The following HERC2 variants were observed in gnomAD, a reference collection of about 807,000 sequenced individuals.
The protein encoded by HERC2 is E3 ubiquitin-protein ligase HERC2.
HERC2 carries 102 observed loss-of-function variants against 537.7 expected under a neutral mutation model. That is an observed-to-expected ratio of 0.19 (90% confidence interval 0.16 to 0.22). The LOEUF (loss-of-function observed/expected upper bound fraction) is 0.22. Among genes scored for constraint, HERC2 ranks in the 10% least tolerant of loss-of-function variants. The probability of loss-of-function intolerance (pLI) is 1.00; values close to 1 mark genes in which losing one functional copy is unlikely to be tolerated. For missense variants in HERC2, 4,236 were observed against 6,198.2 expected (o/e 0.68, Z 10.63); for synonymous variants, 2,224 against 2,466.2 (o/e 0.90, Z 2.91).
At chr15:28,121,692 C>T (rs1004911226) in intron 85 of HERC2, among the ~76,000 whole-genome samples, 6 of 152,168 alleles carry the variant, frequency 3.9e-5, no homozygotes, top group Non-Finnish European at 8.8e-5. Flanking sequence ...AGCAGCGTTC[C>T]GGAGGCTGGA....
At chr15:28,169,123 C>A (rs1469612661) in intron 66 of HERC2, among the ~76,000 whole-genome samples, 1 of 152,254 alleles carries the variant, frequency 6.6e-6, no homozygotes, top group Non-Finnish European at 1.5e-5. Context: ...AAATGCCGCA[C>A]TGGCAAAACT....
chr15:28,214,528 C>A, intron 40 of HERC2, 127 bp downstream of exon 40: 1 of 1,279,362 alleles, frequency 7.8e-7, no homozygotes, highest in South Asian at 1.2e-5. Context: ...GAGACGGCCA[C>A]CCACCTCTGA....
intron 83 of HERC2, among the ~76,000 whole-genome samples, chr15:28,129,738 A>T (rs1375379627): frequency 6.6e-6 from 1 of 151,206 alleles, no homozygotes; most frequent in East Asian, 1.9e-4. Context: ...AGCCCTGCTG[A>T]CTGCAGATAG....
At chr15:28,226,664 G>A (rs1375839871) in intron 35 of HERC2, among the ~76,000 whole-genome samples, 3 of 152,048 alleles carry the variant, frequency 2.0e-5, no homozygotes, top group African/African-American at 7.2e-5. Flanking sequence ...GAAAACATGA[G>A]GATAATCTTC....
intron 24 of HERC2, 63 bp downstream of exon 24, chr15:28,238,539 A>C: frequency 1.3e-5 from 18 of 1,366,246 alleles, no homozygotes; most frequent in Non-Finnish European, 1.7e-5. Flanking sequence ...TATAAGCCAA[A>C]TACTCTGCTT....
chr15:28,170,704 C>T (rs7180935), intron 65 of HERC2, among the ~76,000 whole-genome samples: 20,060 of 151,538 alleles, frequency 0.13, 4,447 homozygotes, highest in African/African-American at 0.46. Flanking sequence ...TGAAAGGAAA[C>T]GAAAAGACAA....
rs975205374 is a variant in HERC2, at chr15:28,276,058, G to A, written c.543-1053C>T. Among the ~76,000 whole-genome samples the A allele has an allele frequency of 2.9e-4, 43 of 150,810 alleles. 1 individual carries two copies. The highest frequency in any genetic ancestry group is 8.3e-4 in the African/African-American group (34 of 41,030). On this transcript the variant is annotated intron_variant, in intron 5 of 92. Transcript: ENST00000261609. ...AAAAATTAGCCAGGTGTGGTGACGG[G>A]TGCCTGTAGTCCCAGCTACTCGGAG...
In HERC2 at chr15:28,179,172, C is replaced by A; in HGVS notation, c.8989G>T (p.Val2997Leu). 6.2e-7 allele frequency: 1 copy of A among 1,613,162 alleles called. No individual in the cohort carries two copies. The highest frequency in any genetic ancestry group is 8.5e-7 in the Non-Finnish European group (1 of 1,179,642). The change falls in exon 58 of 93, where the codon GTG (valine) becomes TTG (leucine). Residue 2997 changes from valine to leucine, a missense_variant. By Grantham distance (32) the Val-to-Leu change is conservative. Coordinates refer to ENST00000261609, the MANE Select transcript of HERC2 (RefSeq NM_004667.6). ...ETLSALNVVQ[V>L]AGGSKSLFAV... ...AACAAACTTTTAGATCCACCAGCCA[C>A]CTGTACCACATTCAAAGCTGACAGT...
intron 50 of HERC2, 96 bp downstream of exon 50, chr15:28,198,282 T>C: frequency 7.2e-7 from 1 of 1,382,904 alleles, no homozygotes; most frequent in Admixed American, 2.0e-5. Context: ...TCAACACTTG[T>C]TTTCTGTTTT....
intron 4 of HERC2, among the ~76,000 whole-genome samples, chr15:28,283,320 C>CAG (rs1346859202): frequency 6.6e-6 from 1 of 152,194 alleles, no homozygotes; most frequent in East Asian, 1.9e-4. Flanking sequence ...TAAACAAAAA[C>CAG]TGCCTTAACT....
rs2075627123 is a variant in HERC2, at chr15:28,268,364, G to A, written c.1598+101C>T. 3.6e-6 allele frequency: 4 copies of A among 1,102,764 alleles called. No homozygotes were observed. The highest frequency in any genetic ancestry group is 5.3e-6 in the Non-Finnish European group (4 of 754,232). The allele number at this position is 1,102,764 out of a possible 1,614,324, so 68.3% of individuals were successfully genotyped here. ...CTCCATCCCAGCGCTACATGTCAGG[G>A]CAATTGGAAAACACCTGGACACACT... is the stretch of plus-strand genomic sequence containing the variant. On this transcript the variant is annotated intron_variant, in intron 12 of 92. Coordinates refer to ENST00000261609, the MANE Select transcript of HERC2 (RefSeq NM_004667.6). The surrounding 1 kb of genome is among the most constrained non-coding windows in gnomAD (Gnocchi z 4.7).
chr15:28,160,574 C>G (rs143873550), intron 69 of HERC2, among the ~76,000 whole-genome samples: 5 of 152,226 alleles, frequency 3.3e-5, no homozygotes, highest in African/African-American at 1.2e-4. Flanking sequence ...TTGCTAAGAC[C>G]GTTGGAAAAG....
Position 28,111,691 on chromosome 15 carries a change from C to T in HERC2, c.*72G>A. The T allele has an allele frequency of 6.6e-7, 1 of 1,521,262 alleles. No homozygotes were observed. Among genetic ancestry groups the T allele is most frequent in the East Asian group, 2.3e-5 (1 of 44,122 alleles). 94.2% of individuals were successfully genotyped at this position (1,521,262 alleles called of 1,614,324 possible). A position where few individuals can be genotyped will look rare whatever the true frequency, so the allele number is the denominator to read the frequency against. ...CTTCTCATCAGACACACCAGGCAGC[C>T]TACAGTCTACACAGCAGCGAGCGCT... is the stretch of plus-strand genomic sequence containing the variant. On this transcript the variant is annotated 3_prime_UTR_variant, in exon 93 of 93. Transcript: ENST00000261609.
intron 23 of HERC2, among the ~76,000 whole-genome samples, chr15:28,240,255 A>G (rs1292324780): frequency 6.6e-6 from 1 of 152,092 alleles, no homozygotes. Context: ...CATCTCTACT[A>G]AAAATACAAA....
At chr15:28,173,176 C>A (rs1894861448) in intron 65 of HERC2, among the ~76,000 whole-genome samples, 1 of 152,180 alleles carries the variant, frequency 6.6e-6, no homozygotes, top group East Asian at 1.9e-4. Context: ...TCTTAAGAAG[C>A]TAGACGTACA....
At chr15:28,297,028 T>A (rs756356830) in intron 3 of HERC2, among the ~76,000 whole-genome samples, 7 of 152,238 alleles carry the variant, frequency 4.6e-5, no homozygotes, top group Admixed American at 4.6e-4. Context: ...AAGATAAAAA[T>A]GAACAGATGT....
intron 35 of HERC2, among the ~76,000 whole-genome samples, chr15:28,224,867 G>A (rs1900950472): frequency 6.6e-6 from 1 of 152,168 alleles, no homozygotes; most frequent in African/African-American, 2.4e-5. Context: ...ACAAGTATAT[G>A]AAAATTAAAC....
chr15:28,172,232 C>T (rs1894779588), intron 65 of HERC2, among the ~76,000 whole-genome samples: 1 of 152,206 alleles, frequency 6.6e-6, no homozygotes, highest in South Asian at 2.1e-4. Context: ...TTAATGCAAT[C>T]CACATCAAAA....
At chr15:28,160,170 C>T (rs1281551774) in intron 69 of HERC2, among the ~76,000 whole-genome samples, 1 of 152,202 alleles carries the variant, frequency 6.6e-6, no homozygotes, top group African/African-American at 2.4e-5. Context: ...AGTTAGGCTA[C>T]TCGGGGGTCA....
Sources: gnomAD v4.1 joint callset for allele counts (sites outside exome capture counted in the v4.1 genomes callset) on GRCh38, gnomAD v4.1.1 for gene constraint, Gnocchi (gnomAD v3.1) non-coding constraint, MANE v1.5 for transcripts, NCBI Gene and HGNC (gene_info 2026-07-23, HGNC 2026-07-21) for gene names.